RBFOX1: variants seen among roughly 807,000 people sequenced by gnomAD.
RBFOX1 encodes RNA binding fox-1 homolog 1, also known as RNA binding protein fox-1 homolog 1.
RBFOX1 carries 8 observed loss-of-function variants against 57.7 expected under a neutral mutation model. The ratio of observed to expected loss-of-function variants is 0.14; its 90% confidence interval spans 0.08 to 0.25. The LOEUF (loss-of-function observed/expected upper bound fraction) is 0.25, where lower values mean the gene tolerates loss of function less well. RBFOX1 is among the 10% of genes least tolerant of loss of function. RBFOX1 has a pLI of 1.00. For missense variants in RBFOX1, 611 were observed against 548.5 expected (o/e 1.11, Z -1.14); for synonymous variants, 326 against 222.4 (o/e 1.47, Z -4.15).
intron 3 of RBFOX1, among the ~76,000 whole-genome samples, chr16:5,703,601 A>G (rs1243338939): frequency 6.6e-6 from 1 of 152,228 alleles, no homozygotes; most frequent in Non-Finnish European, 1.5e-5. Context: ...GTTAATGCAG[A>G]GACTCTGGAG....
Position 7,130,798 on chromosome 16 carries a change from A to G in RBFOX1, c.27+78700A>G, listed in dbSNP as rs1327303647. On this transcript the variant is annotated intron_variant, in intron 4 of 15. Coordinates refer to ENST00000550418, the MANE Select transcript of RBFOX1 (RefSeq NM_018723.4). ...TCAACGCATTTCTTTTAAAAAATGGAGGAAAACTGAGTGGGGAACAAGAAC... is the reference window on the plus strand; with the variant it reads ...TCAACGCATTTCTTTTAAAAAATGGGGGAAAACTGAGTGGGGAACAAGAAC... 3.3e-5 allele frequency among the ~76,000 whole-genome samples: 5 copies of G among 152,284 alleles called. No individual in the cohort carries two copies. In the East Asian group the frequency reaches 9.7e-4, roughly 29 times the overall value.
chr16:5,318,127 T>A (rs1018169892), intron 1 of RBFOX1, among the ~76,000 whole-genome samples: 10 of 151,400 alleles, frequency 6.6e-5, no homozygotes, highest in Non-Finnish European at 1.3e-4. Flanking sequence ...CACCTACTGT[T>A]TTTTTTTATT....
chr16:5,607,938 G>A (rs118159134), intron 3 of RBFOX1, among the ~76,000 whole-genome samples: 2,335 of 152,316 alleles, frequency 0.015, 20 homozygotes, highest in Non-Finnish European at 0.026. Context: ...CCATGGATGA[G>A]CATTGGGGTT....
In RBFOX1 at chr16:7,390,148, G is replaced by A. The variant is rs543943368; in HGVS notation, c.28-127999G>A. 1.1e-4 allele frequency among the ~76,000 whole-genome samples: 16 copies of A among 152,204 alleles called. 1 individual carries two copies. In the South Asian group the frequency reaches 3.1e-3, roughly 30 times the overall value. ...ATACTTTCAAACAAACAGCTCTTGT[G>A]AAAACTCTATCAAAAGAACAGCAAG... On this transcript the variant is annotated intron_variant, in intron 4 of 15. Transcript: ENST00000550418.
chr16:6,621,189 C>T (rs983980507), intron 2 of RBFOX1, among the ~76,000 whole-genome samples: 16 of 152,174 alleles, frequency 1.1e-4, no homozygotes, highest in African/African-American at 2.7e-4. Flanking sequence ...AGGCCGGGCG[C>T]GGTGGCTCAC....
intron 4 of RBFOX1, among the ~76,000 whole-genome samples, chr16:7,108,248 A>C (rs2063966770): frequency 6.6e-6 from 1 of 152,172 alleles, no homozygotes; most frequent in South Asian, 2.1e-4. Context: ...GGGGAGAAGG[A>C]TTAATGGGGA....
At chr16:6,746,761 A>T (rs909718220) in intron 3 of RBFOX1, among the ~76,000 whole-genome samples, 8 of 152,160 alleles carry the variant, frequency 5.3e-5, no homozygotes, top group Non-Finnish European at 1.2e-4. Flanking sequence ...AAAGTGAAAT[A>T]TTGATACATA....
chr16:6,857,941 C>T (rs1330300877), intron 3 of RBFOX1, among the ~76,000 whole-genome samples: 2 of 152,114 alleles, frequency 1.3e-5, no homozygotes, highest in Non-Finnish European at 2.9e-5. Flanking sequence ...TATTTTTAAG[C>T]ATCAAGACAA....
intron 1 of RBFOX1, among the ~76,000 whole-genome samples, chr16:5,449,126 C>T (rs56147516): frequency 2.0e-5 from 3 of 152,282 alleles, no homozygotes; most frequent in Non-Finnish European, 4.4e-5. Context: ...GGGTCCCAGA[C>T]GAGGCTACCC....
intron 3 of RBFOX1, among the ~76,000 whole-genome samples, chr16:5,696,082 A>T (rs928838926): frequency 1.3e-5 from 2 of 152,198 alleles, no homozygotes; most frequent in African/African-American, 4.8e-5. Flanking sequence ...TCTGGTAGAA[A>T]ATTACAGAGA....
chr16:6,290,622 A>C (rs1385656974), intron 1 of RBFOX1, among the ~76,000 whole-genome samples: 1 of 151,952 alleles, frequency 6.6e-6, no homozygotes, highest in Non-Finnish European at 1.5e-5. Flanking sequence ...ATTGTGTCTA[A>C]AGTGAATTTA....
At chr16:6,807,623 C>G (rs1033187302) in intron 3 of RBFOX1, among the ~76,000 whole-genome samples, 4 of 152,066 alleles carry the variant, frequency 2.6e-5, no homozygotes, top group Admixed American at 2.0e-4. Flanking sequence ...TGAGACCAGC[C>G]TGGCGAGCAT....
chr16:5,953,185 G>A (rs778851672), intron 4 of RBFOX1, among the ~76,000 whole-genome samples: 24 of 152,146 alleles, frequency 1.6e-4, no homozygotes, highest in Non-Finnish European at 2.8e-4. Flanking sequence ...AAGACCAAGT[G>A]CCCTGGGGCC....
intron 1 of RBFOX1, among the ~76,000 whole-genome samples, chr16:6,175,822 A>G (rs955584990): frequency 2.0e-5 from 3 of 152,126 alleles, no homozygotes; most frequent in Middle Eastern, 3.2e-3. Flanking sequence ...GAGGACCCAC[A>G]CGGGGACAAT....
At chr16:6,222,838 C>T (rs1435864309) in intron 1 of RBFOX1, among the ~76,000 whole-genome samples, 6 of 151,920 alleles carry the variant, frequency 3.9e-5, no homozygotes, top group Non-Finnish European at 5.9e-5. Context: ...TCTCCTAATG[C>T]TATCCTTCCG....
At chr16:6,937,640 A>G (rs563293965) in intron 3 of RBFOX1, among the ~76,000 whole-genome samples, 68 of 152,226 alleles carry the variant, frequency 4.5e-4, no homozygotes, top group South Asian at 3.5e-3. Flanking sequence ...GAAAGGTGGG[A>G]CAACTGGAAG....
intron 3 of RBFOX1, among the ~76,000 whole-genome samples, chr16:6,779,108 G>T (rs28707347): frequency 0.027 from 4,035 of 152,012 alleles, 198 homozygotes; most frequent in African/African-American, 0.092. Context: ...TGGATCTTAT[G>T]TCTTTTATCT....
chr16:5,754,343 G>A (rs914159540), intron 3 of RBFOX1, among the ~76,000 whole-genome samples: 1 of 152,124 alleles, frequency 6.6e-6, no homozygotes, highest in African/African-American at 2.4e-5. Context: ...GTTCATGTTC[G>A]CTCCTATTGT....
At chr16:5,313,259 C>G (rs768432644) in intron 1 of RBFOX1, among the ~76,000 whole-genome samples, 1 of 152,116 alleles carries the variant, frequency 6.6e-6, no homozygotes, top group Non-Finnish European at 1.5e-5. Context: ...TTCCCCCTCT[C>G]CAAAGTCCTC....
Sources: allele counts gnomAD v4.1 joint callset (sites outside exome capture counted in the v4.1 genomes callset), GRCh38; gene constraint gnomAD v4.1.1; transcripts MANE v1.5; gene names NCBI Gene and HGNC (gene_info 2026-07-23, HGNC 2026-07-21).